The following OSBP variants were observed in gnomAD, a reference collection of about 807,000 sequenced individuals.
OSBP encodes oxysterol binding protein.
In OSBP, 32 loss-of-function variants were observed where a neutral mutation model predicts 96.6. The observed-to-expected ratio is 0.33, with a 90% CI of 0.25 to 0.45. The LOEUF (loss-of-function observed/expected upper bound fraction) is 0.45. Among genes scored for constraint, OSBP ranks in the 20% least tolerant of loss-of-function variants. The pLI is 1.00. For synonymous variants in OSBP, 369 were observed against 389.6 expected (o/e 0.95, Z 0.62); for missense variants, 653 against 1,029.7 (o/e 0.63, Z 5.01).
At chr11:59,603,866 A>G (rs1255951000) in intron 3 of OSBP, among the ~76,000 whole-genome samples, 2 of 152,038 alleles carry the variant, frequency 1.3e-5, no homozygotes, top group Non-Finnish European at 2.9e-5. Context: ...ATGTTCCCCA[A>G]TCCAACTTTC....
At chr11:59,593,433 C>T in intron 9 of OSBP, 171 bp downstream of exon 9, 1 of 643,040 alleles carries the variant, frequency 1.6e-6, no homozygotes, top group Non-Finnish European at 2.7e-6. Context: ...TTCTAGCCTC[C>T]ACACTCATTT....
intron 2 of OSBP, among the ~76,000 whole-genome samples, chr11:59,609,191 T>C (rs1246068172): frequency 6.6e-6 from 1 of 152,188 alleles, no homozygotes; most frequent in Non-Finnish European, 1.5e-5. Context: ...TATCATCTGA[T>C]AGGTGACTGA....
chr11:59,609,908 C>T (rs1295416381), intron 2 of OSBP, among the ~76,000 whole-genome samples: 4 of 152,260 alleles, frequency 2.6e-5, no homozygotes, highest in East Asian at 1.9e-4. Context: ...AGAAAAAGCA[C>T]GAATAGATCC....
At chr11:59,600,404 C>T (rs1453518777) in intron 7 of OSBP, 92 bp downstream of exon 7, 58 of 1,344,554 alleles carry the variant, frequency 4.3e-5, no homozygotes, top group South Asian at 3.1e-4. Context: ...CACAAACTGC[C>T]GCACAAGTGG....
chr11:59,615,642 C>T lies in OSBP; in HGVS notation c.23G>A (p.Gly8Glu). 2.2e-6 allele frequency: 3 copies of T among 1,365,484 alleles called. No homozygotes were observed. The highest frequency in any genetic ancestry group is 3.3e-5 in the South Asian group (2 of 60,448). 84.6% of individuals were successfully genotyped at this position (1,365,484 alleles called of 1,614,324 possible). MAATELR[G>E]VVGPGPAAIA... The stretch of plus-strand genomic sequence containing the variant: ...GGCTGCCGGGCCTGGCCCCACCACT[C>T]CTCTCAGCTCCGTCGCCGCCATGAG... The change falls in exon 1 of 14, where the codon GGA (glycine) becomes GAA (glutamate). Residue 8 changes from glycine to glutamate, a missense_variant. Physicochemically the swap from Gly to Glu is moderately conservative, Grantham distance 98. This residue lies in a region of OSBP where 151 missense variants were observed against 146.1 expected (regional missense o/e 1.03). Transcript: ENST00000263847.
chr11:59,579,395 G>A (rs1407803691), intron 11 of OSBP, among the ~76,000 whole-genome samples: 2 of 149,962 alleles, frequency 1.3e-5, no homozygotes, highest in Non-Finnish European at 3.0e-5. Context: ...GTGCAATGGC[G>A]TGATCTCGGC....
chr11:59,588,871 G>A (rs1006235511), intron 9 of OSBP, among the ~76,000 whole-genome samples: 3 of 151,984 alleles, frequency 2.0e-5, no homozygotes, highest in Non-Finnish European at 4.4e-5. Flanking sequence ...CAGGTGTGGT[G>A]GTGCACGCCT....
At chr11:59,581,332 G>C in intron 10 of OSBP, 119 bp downstream of exon 10, 1 of 500,258 alleles carries the variant, frequency 2.0e-6, no homozygotes, top group Non-Finnish European at 3.6e-6. Context: ...TTCCTTAGGA[G>C]AAACTGATGA....
Position 59,615,289 on chromosome 11 carries a change from C to T in OSBP, c.362+14G>A. On this transcript the variant is annotated intron_variant, in intron 1 of 13. Transcript: ENST00000263847. ...GGGAGGCAAGGTGAGCGACAGCGCC[C>T]CGGAAGCAGTTACCTGTAGTAGCTC... is the stretch of plus-strand genomic sequence containing the variant. 1 of 1,588,310 alleles carries T rather than the reference C, an allele frequency of 6.3e-7. No homozygotes were observed. The highest frequency in any genetic ancestry group is 8.6e-7 in the Non-Finnish European group (1 of 1,163,022).
Position 59,594,157 on chromosome 11 carries a change from T to C in OSBP, c.1410A>G (p.Leu470=), listed in dbSNP as rs1860619317. 6.2e-7 allele frequency: 1 copy of C among 1,614,164 alleles called. No homozygotes were observed. The highest frequency in any genetic ancestry group is 1.3e-5 in the African/African-American group (1 of 75,048). ...AAGCTGCAACATAACAGAGCTGTTC[T>C]AGAGAATTCTCACATTTTGCAGCTC... ...LDRAAKCENS[L]EQLCYVAAFT... The change falls in exon 8 of 14, where the codon CTA becomes CTG. Residue 470 remains leucine (L), a synonymous_variant. Transcript: ENST00000263847.
chr11:59,575,062 G>A lies in OSBP; in HGVS notation c.*1515C>T, dbSNP rs1409618158. On this transcript the variant is annotated 3_prime_UTR_variant, in exon 14 of 14. Coordinates refer to ENST00000263847, the MANE Select transcript of OSBP (RefSeq NM_002556.3). ...TGCACAAACAGAGAAGGAAGCCAGG[G>A]CCCCACAGGAGCAATTATCTGATCC... 1 of 152,170 alleles carries A rather than the reference G, an allele frequency of 6.6e-6. No homozygotes were observed. The highest frequency in any genetic ancestry group is 1.5e-5 in the Non-Finnish European group (1 of 68,102). 9.4% of individuals were successfully genotyped at this position (152,170 alleles called of 1,614,324 possible).
At chr11:59,588,573 G>A (rs115277092) in intron 9 of OSBP, among the ~76,000 whole-genome samples, 1 of 151,172 alleles carries the variant, frequency 6.6e-6, no homozygotes. Flanking sequence ...AATGTATATA[G>A]AGTTCCCGTT....
chr11:59,610,669 C>A, intron 1 of OSBP, 80 bp from the exon 2 acceptor site: 1 of 1,121,056 alleles, frequency 8.9e-7, no homozygotes, highest in African/African-American at 1.5e-5. Context: ...TTTCATAACT[C>A]TGAGCTCCCT....
At chr11:59,587,424 C>T (rs1860513308) in intron 9 of OSBP, among the ~76,000 whole-genome samples, 2 of 152,048 alleles carry the variant, frequency 1.3e-5, no homozygotes, top group South Asian at 2.1e-4. Flanking sequence ...ATCACCTGAA[C>T]CCAAGAGGTG....
intron 9 of OSBP, among the ~76,000 whole-genome samples, chr11:59,591,030 G>C (rs1860572696): frequency 6.6e-6 from 1 of 152,240 alleles, no homozygotes; most frequent in Non-Finnish European, 1.5e-5. Flanking sequence ...CAGATACTCA[G>C]TTAAGCAGGT....
At chr11:59,577,445 G>A (rs1443259309) in intron 12 of OSBP, among the ~76,000 whole-genome samples, 1 of 152,144 alleles carries the variant, frequency 6.6e-6, no homozygotes, top group Non-Finnish European at 1.5e-5. Flanking sequence ...CCAAAGTCCT[G>A]TACATTGTCT....
intron 7 of OSBP, among the ~76,000 whole-genome samples, chr11:59,597,107 G>A (rs1417708727): frequency 1.3e-5 from 2 of 152,126 alleles, no homozygotes; most frequent in Non-Finnish European, 2.9e-5. Context: ...TGCCCAGGCT[G>A]GAGTGCAGTG....
At chr11:59,579,655 G>A (rs930454075) in intron 11 of OSBP, among the ~76,000 whole-genome samples, 13 of 151,482 alleles carry the variant, frequency 8.6e-5, no homozygotes, top group Non-Finnish European at 1.8e-4. Context: ...GTCATTCCCA[G>A]AAAAGAGAAG....
intron 7 of OSBP, among the ~76,000 whole-genome samples, chr11:59,595,407 T>C (rs1860636688): frequency 6.6e-6 from 1 of 152,106 alleles, no homozygotes; most frequent in Non-Finnish European, 1.5e-5. Context: ...ACACTTTTCT[T>C]TCTGATGTTC....
Sources: allele counts gnomAD v4.1 joint callset (sites outside exome capture counted in the v4.1 genomes callset), GRCh38; gene constraint gnomAD v4.1.1; regional missense constraint gnomAD v4.1.1; transcripts MANE v1.5; gene names NCBI Gene and HGNC (gene_info 2026-07-23, HGNC 2026-07-21).